The following TOP6BL variants were observed in gnomAD, a reference collection of about 807,000 sequenced individuals.
The protein encoded by TOP6BL is TOP6B like initiator of meiotic double strand breaks, also known as type 2 DNA topoisomerase 6 subunit B-like.
the TOP6BL span, chr11:66,759,022 T>C: frequency 4.6e-6 from 7 of 1,525,290 alleles, no homozygotes; most frequent in Non-Finnish European, 5.3e-6. Flanking sequence ...GTGATATTTC[T>C]TTGTATTCTG....
chr11:66,773,508 C>T, the TOP6BL span, among the ~76,000 whole-genome samples: 1 of 152,080 alleles, frequency 6.6e-6, no homozygotes, highest in Non-Finnish European at 1.5e-5. Context: ...CTTTCTTACT[C>T]CCTGGTGTTG....
chr11:66,748,325 A>T, the TOP6BL span: 2 of 1,382,344 alleles, frequency 1.4e-6, no homozygotes, highest in African/African-American at 2.9e-5. Flanking sequence ...GAGATGTATT[A>T]TTACTGTGAT....
At chr11:66,843,323 A>G in the TOP6BL span, 6 of 1,523,396 alleles carry the variant, frequency 3.9e-6, no homozygotes, top group Non-Finnish European at 5.3e-6. Flanking sequence ...CGCGCTCACC[A>G]AGTCCTCTTC....
At chr11:66,756,347 T>C in the TOP6BL span, 55 of 1,202,006 alleles carry the variant, frequency 4.6e-5, no homozygotes, top group African/African-American at 3.2e-4. Context: ...CTTTTTTTTT[T>C]CTCAGGATGG....
At chr11:66,762,299 C>T in the TOP6BL span, 68 of 426,158 alleles carry the variant, frequency 1.6e-4, no homozygotes, top group East Asian at 1.7e-3. Context: ...GCCGGGGCGC[C>T]GGCCAGGAGC....
At chr11:66,785,583 TG>T in the TOP6BL span, among the ~76,000 whole-genome samples, 3 of 152,228 alleles carry the variant, frequency 2.0e-5, no homozygotes, top group Non-Finnish European at 4.4e-5. Context: ...CCTTGTATGA[TG>T]TATACCTAGG....
the TOP6BL span, among the ~76,000 whole-genome samples, chr11:66,835,349 T>C: frequency 6.6e-6 from 1 of 152,220 alleles, no homozygotes; most frequent in Non-Finnish European, 1.5e-5. Context: ...TTGCCCCTCC[T>C]ATGTTCCTTG....
the TOP6BL span, among the ~76,000 whole-genome samples, chr11:66,778,060 GTTTTCTGAACTTTGTGTCT>G: frequency 2.0e-5 from 3 of 147,238 alleles, no homozygotes; most frequent in African/African-American, 5.0e-5. Flanking sequence ...TCTATTTTCT[GTTTTCTGAACTTTGTGTCT>G]TTTTCTTTTC....
At chr11:66,823,060 C>T in the TOP6BL span, among the ~76,000 whole-genome samples, 1 of 150,946 alleles carries the variant, frequency 6.6e-6, no homozygotes, top group Admixed American at 6.6e-5. Context: ...TTTGGGAGGC[C>T]AAGGCGGGTG....
chr11:66,762,388 C>T, the TOP6BL span: 2 of 363,232 alleles, frequency 5.5e-6, no homozygotes, highest in Non-Finnish European at 5.0e-6. Flanking sequence ...CTCAGCGCAG[C>T]AGTGGCAGCA....
chr11:66,843,022 G>T, the TOP6BL span: 4 of 1,554,344 alleles, frequency 2.6e-6, no homozygotes, highest in South Asian at 3.5e-5. Flanking sequence ...CGAGGCTCAC[G>T]GCAGGGCCCT....
At chr11:66,748,372 T>C in the TOP6BL span, 2 of 1,532,378 alleles carry the variant, frequency 1.3e-6, no homozygotes, top group Non-Finnish European at 1.8e-6. Context: ...AATTGTGCTC[T>C]TTTCAGATTT....
At chr11:66,745,481 TG>T in the TOP6BL span, among the ~76,000 whole-genome samples, 1 of 152,220 alleles carries the variant, frequency 6.6e-6, no homozygotes, top group East Asian at 1.9e-4. Flanking sequence ...GGAGCTGCTC[TG>T]GAAGACGGCA....
chr11:66,781,644 C>T, the TOP6BL span, among the ~76,000 whole-genome samples: 5 of 152,116 alleles, frequency 3.3e-5, no homozygotes, highest in Non-Finnish European at 5.9e-5. Context: ...TCAAGTGATC[C>T]TCCCACCTCA....
chr11:66,800,644 A>G, the TOP6BL span: 1 of 1,600,596 alleles, frequency 6.2e-7, no homozygotes, highest in Non-Finnish European at 8.5e-7. Context: ...TTTGCAGGTC[A>G]GATTTCATTT....
chr11:66,761,331 A>G, the TOP6BL span, among the ~76,000 whole-genome samples: 1 of 152,150 alleles, frequency 6.6e-6, no homozygotes, highest in African/African-American at 2.4e-5. Flanking sequence ...AGATTGCGCC[A>G]CTGCACAACA....
chr11:66,791,336 A>G, the TOP6BL span, among the ~76,000 whole-genome samples: 1 of 152,198 alleles, frequency 6.6e-6, no homozygotes, highest in African/African-American at 2.4e-5. Context: ...TTCAAAAGCA[A>G]TCTGATTTTA....
chr11:66,792,588 T>G, the TOP6BL span, among the ~76,000 whole-genome samples: 1 of 152,208 alleles, frequency 6.6e-6, no homozygotes, highest in Non-Finnish European at 1.5e-5. Context: ...CAGCTCTAGG[T>G]TTGAATCCCA....
At chr11:66,786,811 A>G in the TOP6BL span, among the ~76,000 whole-genome samples, 1 of 152,164 alleles carries the variant, frequency 6.6e-6, no homozygotes, top group Non-Finnish European at 1.5e-5. Context: ...AAGTTCATTA[A>G]ACTTCAGTGT....
Sources: gnomAD v4.1 joint callset for allele counts (sites outside exome capture counted in the v4.1 genomes callset) on GRCh38, gnomAD v4.1.1 for gene constraint, MANE v1.5 for transcripts, NCBI Gene and HGNC (gene_info 2026-07-23, HGNC 2026-07-21) for gene names.